Variants in PPM1B observed in about 807,000 individuals in gnomAD.
PPM1B encodes the protein protein phosphatase 1B.
In PPM1B, 22 loss-of-function variants were observed where a neutral mutation model predicts 43.0. The observed-to-expected ratio is 0.51, with a 90% CI of 0.37 to 0.73. The LOEUF (loss-of-function observed/expected upper bound fraction) is 0.73, where lower values mean the gene tolerates loss of function less well. PPM1B is among the 30% of genes least tolerant of loss of function. PPM1B has a pLI of 0.00. For synonymous variants in PPM1B, 217 were observed against 197.9 expected, an observed-to-expected ratio of 1.10 and a Z score of -0.81; for missense variants, 632 against 584.2, an observed-to-expected ratio of 1.08 and a Z score of -0.84.
intron 5 of PPM1B, among the ~76,000 whole-genome samples, chr2:44,222,871 C>T (rs1670036631): frequency 1.3e-5 from 2 of 152,224 alleles, no homozygotes; most frequent in South Asian, 2.1e-4. Flanking sequence ...CATTCTTTGT[C>T]CCAGGCTGGA....
chr2:44,217,633 A>T (rs1182928030), intron 3 of PPM1B, among the ~76,000 whole-genome samples: 1 of 152,134 alleles, frequency 6.6e-6, no homozygotes, highest in Middle Eastern at 3.2e-3. Flanking sequence ...ATTTTTAGTG[A>T]TTATAAACCA....
chr2:44,211,475 C>T (rs1433110841), intron 3 of PPM1B, among the ~76,000 whole-genome samples: 1 of 152,118 alleles, frequency 6.6e-6, no homozygotes, highest in Non-Finnish European at 1.5e-5. Flanking sequence ...GCATCACAAT[C>T]AGGGAGGCAT....
downstream of PPM1B, among the ~76,000 whole-genome samples, chr2:44,246,502 T>C (rs1428826439): frequency 1.3e-5 from 2 of 152,206 alleles, no homozygotes; most frequent in Non-Finnish European, 2.9e-5. Flanking sequence ...ACTGAGGCCC[T>C]GTGGGAGGCC....
At chr2:44,224,410 G>C (rs1169991356) in intron 5 of PPM1B, among the ~76,000 whole-genome samples, 1 of 144,780 alleles carries the variant, frequency 6.9e-6, no homozygotes, top group Non-Finnish European at 1.5e-5. Context: ...AGCTGAAATC[G>C]TGCCACTGCA....
intron 5 of PPM1B, among the ~76,000 whole-genome samples, chr2:44,220,059 A>G (rs1398216793): frequency 6.6e-6 from 1 of 152,130 alleles, no homozygotes; most frequent in African/African-American, 2.4e-5. Flanking sequence ...ACATATGACT[A>G]AAAGGATGGT....
intron 5 of PPM1B, among the ~76,000 whole-genome samples, chr2:44,222,991 C>T (rs1670044125): frequency 6.6e-6 from 1 of 152,022 alleles, no homozygotes; most frequent in Non-Finnish European, 1.5e-5. Flanking sequence ...GCACCACACT[C>T]GGCTAATTTT....
rs1160845612 is a variant in PPM1B, at chr2:44,201,914, A to C, written c.715A>C (p.Ile239Leu). Residue 239 changes from isoleucine (I) to leucine (L), a missense_variant, in exon 2 of 6, where the codon ATC becomes CTC. This residue lies in a region of PPM1B where 392 missense variants were observed against 302.7 expected (regional missense o/e 1.29). Coordinates refer to ENST00000282412, the MANE Select transcript of PPM1B (RefSeq NM_002706.6). This position sits in a 1 kb window ranked among gnomAD's most constrained non-coding sequence, Gnocchi z 5.4. The part of the protein sequence containing the change: ...ILRAEEDEFI[I>L]LACDGIWDVM... Reference sequence around the variant, plus strand: ...AAGAGCAGAAGAGGATGAATTTATCATCTTGGCTTGTGATGGGATCTGGGA... The same window carrying C: ...AAGAGCAGAAGAGGATGAATTTATCCTCTTGGCTTGTGATGGGATCTGGGA... The C allele has an allele frequency of 1.2e-6, 2 of 1,614,184 alleles. No homozygotes were observed. The highest frequency in any genetic ancestry group is 2.7e-5 in the African/African-American group (2 of 75,058).
intron 5 of PPM1B, among the ~76,000 whole-genome samples, chr2:44,223,371 GTT>G (rs1252114960): frequency 6.6e-6 from 1 of 152,070 alleles, no homozygotes; most frequent in African/African-American, 2.4e-5. Flanking sequence ...GCATTTTTCT[GTT>G]TTACTTTAAA....
intron 5 of PPM1B, chr2:44,218,981 C>T (rs760980905): frequency 5.2e-5 from 21 of 402,618 alleles, no homozygotes; most frequent in Non-Finnish European, 9.6e-5. Flanking sequence ...TTGGAATACC[C>T]GAGGATAGTT....
rs1668913313 is a variant in PPM1B at position 44,201,137 on chromosome 2, A to G, written c.-14-49A>G. ...AGACTATAGAGGGAATATTGTACAT[A>G]CATTTTCTGTCAAATTTAAACATTT... is the stretch of plus-strand genomic sequence containing the variant. On this transcript the variant is annotated intron_variant, in intron 1 of 5. Transcript: ENST00000282412. This position sits in a 1 kb window ranked among gnomAD's most constrained non-coding sequence, Gnocchi z 5.4. 1 of 1,490,002 alleles carries G rather than the reference A, an allele frequency of 6.7e-7. No individual in the cohort carries two copies. Among genetic ancestry groups the G allele is most frequent in the African/African-American group, 1.4e-5 (1 of 71,472 alleles). 92.3% of individuals were successfully genotyped at this position (1,490,002 alleles called of 1,614,324 possible).
In PPM1B at chr2:44,201,340, T is replaced by G. The variant is rs753007626; in HGVS notation, c.141T>G (p.Pro47=). The G allele has an allele frequency of 9.3e-6, 15 of 1,614,172 alleles. No homozygotes were observed. The South Asian group carries it at 1.3e-4, about 14-fold the overall frequency. ...CACACACAGCTGTTGTAGGTATTCC[T>G]CACGGCTTGGAAGACTGGTCATTTT... ...EDAHTAVVGI[P]HGLEDWSFFA... is the part of the protein sequence containing the mutation. Residue 47 remains proline (P), a synonymous_variant, in exon 2 of 6, where the codon CCT becomes CCG. Coordinates refer to ENST00000282412, the MANE Select transcript of PPM1B (RefSeq NM_002706.6). This position sits in a 1 kb window ranked among gnomAD's most constrained non-coding sequence, Gnocchi z 5.4.
intron 1 of PPM1B, among the ~76,000 whole-genome samples, chr2:44,195,491 A>G (rs989903666): frequency 2.0e-5 from 3 of 151,808 alleles, no homozygotes; most frequent in Non-Finnish European, 4.4e-5. Context: ...GATTCCAGGC[A>G]TGAGCCACCA....
intron 1 of PPM1B, among the ~76,000 whole-genome samples, chr2:44,172,875 C>T (rs1667412919): frequency 6.6e-6 from 1 of 152,158 alleles, no homozygotes; most frequent in South Asian, 2.1e-4. Flanking sequence ...CCAGTTTGCT[C>T]CAGCCTGGAT....
At chr2:44,233,710 G>A (rs917519549), downstream of PPM1B, 6 of 985,730 alleles carry the variant, frequency 6.1e-6, no homozygotes, top group Non-Finnish European at 7.2e-6. Context: ...GCTGTTTCTG[G>A]AGAGCCACAC....
chr2:44,244,620 A>G (rs1218215282), downstream of PPM1B, among the ~76,000 whole-genome samples: 3 of 152,066 alleles, frequency 2.0e-5, no homozygotes, highest in Non-Finnish European at 4.4e-5. Context: ...CTGGATTTCT[A>G]AACGGTTAAG....
downstream of PPM1B, among the ~76,000 whole-genome samples, chr2:44,231,684 C>T (rs1558434201): frequency 6.6e-6 from 1 of 151,920 alleles, no homozygotes; most frequent in Non-Finnish European, 1.5e-5. Context: ...TTTTGTGGTA[C>T]AAAATATTAA....
chr2:44,200,136 T>C (rs1352438387), intron 1 of PPM1B, among the ~76,000 whole-genome samples: 1 of 152,194 alleles, frequency 6.6e-6, no homozygotes, highest in Non-Finnish European at 1.5e-5. Flanking sequence ...TTTTATGGTG[T>C]TTATTGTGTT....
downstream of PPM1B, chr2:44,232,491 C>T: frequency 1.3e-6 from 2 of 1,500,300 alleles, no homozygotes; most frequent in Non-Finnish European, 1.8e-6. Flanking sequence ...CATTTCCCAT[C>T]ATTTGTTCAT....
At chr2:44,171,390 G>A (rs1040066955) in intron 1 of PPM1B, among the ~76,000 whole-genome samples, 1 of 152,170 alleles carries the variant, frequency 6.6e-6, no homozygotes, top group African/African-American at 2.4e-5. Context: ...CAGAAAAAGT[G>A]GCTCTTGTTG....
Sources: allele counts gnomAD v4.1 joint callset (sites outside exome capture counted in the v4.1 genomes callset), GRCh38; gene constraint gnomAD v4.1.1; regional missense constraint gnomAD v4.1.1; non-coding constraint Gnocchi (gnomAD v3.1); transcripts MANE v1.5; gene names NCBI Gene and HGNC (gene_info 2026-07-23, HGNC 2026-07-21).